The following NXPE1 variants were observed in gnomAD, a reference collection of about 807,000 sequenced individuals.
NXPE1 encodes the protein neurexophilin and PC-esterase domain family member 1.
In NXPE1, 31 loss-of-function variants were observed where a neutral mutation model predicts 33.3. That is an observed-to-expected ratio of 0.93 (90% CI 0.70 to 1.26). The LOEUF is 1.26. NXPE1 is among the 50% of genes most tolerant of loss of function. NXPE1 has a pLI of 0.00. For synonymous variants in NXPE1, 229 were observed against 231.4 expected, an observed-to-expected ratio of 0.99 and a Z score of 0.09; for missense variants, 661 against 655.6, an observed-to-expected ratio of 1.01 and a Z score of -0.09.
intron 5 of NXPE1, among the ~76,000 whole-genome samples, chr11:114,545,422 G>T (rs1432376541): frequency 6.6e-6 from 1 of 151,994 alleles, no homozygotes; most frequent in Non-Finnish European, 1.5e-5. Flanking sequence ...AACAACATAG[G>T]TGAATCTTAA....
At chr11:114,547,942 A>G (rs182828476) in intron 5 of NXPE1, among the ~76,000 whole-genome samples, 151 of 152,278 alleles carry the variant, frequency 9.9e-4, no homozygotes, top group African/African-American at 2.8e-3. Context: ...TATTCTTACA[A>G]TTTTTCTGTA....
chr11:114,551,209 G>A (rs1185294785), exon 5 of NXPE1: 3 of 1,521,560 alleles, frequency 2.0e-6, no homozygotes, highest in Non-Finnish European at 2.6e-6. Context: ...CATGACGAAT[G>A]TCCTAGGAGA....
At chr11:114,530,407 C>G in exon 6 of NXPE1, 1 of 1,614,210 alleles carries the variant, frequency 6.2e-7, no homozygotes. Context: ...ATAATTTTAT[C>G]ATAGCCTTGG....
At chr11:114,518,959 C>G (rs1331302980), downstream of NXPE1, among the ~76,000 whole-genome samples, 1 of 152,156 alleles carries the variant, frequency 6.6e-6, no homozygotes, top group Non-Finnish European at 1.5e-5. Context: ...AGCATATCAA[C>G]AAACCACTTT....
At chr11:114,553,956 G>T in intron 1 of NXPE1, 5 of 985,358 alleles carry the variant, frequency 5.1e-6, no homozygotes, top group Non-Finnish European at 6.0e-6. Context: ...AGGTTTGTCA[G>T]TATACCCCTG....
At chr11:114,523,062 C>A in exon 8 of NXPE1, 1 of 1,613,468 alleles carries the variant, frequency 6.2e-7, no homozygotes, top group South Asian at 1.1e-5. Context: ...TTCATTCCAA[C>A]TTGGCATGTC....
intron 5 of NXPE1, among the ~76,000 whole-genome samples, chr11:114,543,183 C>G (rs1467666084): frequency 6.6e-6 from 1 of 151,972 alleles, no homozygotes; most frequent in Non-Finnish European, 1.5e-5. Context: ...TGGTGAAACT[C>G]TGTGTTTACT....
Position 114,540,885 on chromosome 11 carries a change from T to TTTTTTTTTTTG in NXPE1, c.100-9978_100-9977insCAAAAAAAAAA, listed in dbSNP as rs754802719. Among the ~76,000 whole-genome samples, 21 of 81,290 alleles carry TTTTTTTTTTTG rather than the reference T, an allele frequency of 2.6e-4. 4 individuals are homozygous for TTTTTTTTTTTG. The highest frequency in any genetic ancestry group is 4.0e-4 in the Admixed American group (3 of 7,458). The allele number at this position is 81,290 out of a possible 152,430, so 53.3% of individuals were successfully genotyped here. A position where few individuals can be genotyped will look rare whatever the true frequency, so the allele number is the denominator to read the frequency against. On this transcript the variant is annotated intron_variant, in intron 5 of 8. Transcript: ENST00000534921. ...TTTTTTTTTTTTTTTTTTTTTTTTT[T>TTTTTTTTTTTG]GGCTTGAACAACCTGAGAGCAGAGT... is the stretch of plus-strand genomic sequence containing the variant.
chr11:114,549,246 C>T (rs530026939), intron 5 of NXPE1, among the ~76,000 whole-genome samples: 1 of 151,998 alleles, frequency 6.6e-6, no homozygotes, highest in East Asian at 1.9e-4. Context: ...CAAATAAAAA[C>T]AAAAAGCTTC....
chr11:114,526,722 G>A (rs998933098), intron 7 of NXPE1: 2 of 152,168 alleles, frequency 1.3e-5, no homozygotes, highest in Non-Finnish European at 2.9e-5. Context: ...GGTAAAAAGA[G>A]TTAGATAAAA....
chr11:114,522,964 A>G (rs149027256), exon 8 of NXPE1: 106 of 1,613,692 alleles, frequency 6.6e-5, no homozygotes, highest in Admixed American at 1.8e-4. Context: ...TCAAACAGCC[A>G]TTTATCTTAA....
intron 5 of NXPE1, among the ~76,000 whole-genome samples, chr11:114,538,301 T>C (rs1351813256): frequency 1.3e-5 from 2 of 152,178 alleles, no homozygotes; most frequent in Non-Finnish European, 2.9e-5. Context: ...AAGACTTACA[T>C]GTTTGACCTA....
At chr11:114,552,776 A>G (rs536283059) in intron 2 of NXPE1, 76 bp downstream of exon 2, 1 of 561,402 alleles carries the variant, frequency 1.8e-6, no homozygotes, top group South Asian at 7.8e-5. Context: ...TTGCTATTGC[A>G]CTTTTATAAA....
At chr11:114,525,965 C>G (rs1475124145) in intron 7 of NXPE1, among the ~76,000 whole-genome samples, 2 of 152,136 alleles carry the variant, frequency 1.3e-5, no homozygotes, top group African/African-American at 4.8e-5. Context: ...CCAGTTATGA[C>G]CAGGGTATGG....
chr11:114,550,827 A>G (rs1294585552), intron 5 of NXPE1, among the ~76,000 whole-genome samples: 9 of 152,234 alleles, frequency 5.9e-5, no homozygotes, highest in Admixed American at 5.9e-4. Flanking sequence ...TAAGTTATTT[A>G]CTGATGAGGA....
In NXPE1 at chr11:114,557,892, A is replaced by T. The variant is rs150699837; in HGVS notation, c.-211+1906T>A. On this transcript the variant is annotated intron_variant, in intron 1 of 8. Coordinates refer to ENST00000534921, the Ensembl canonical transcript of NXPE1. ...TCTTTTGCGGGCTATACAATTCTAG[A>T]TTGACAAGTGTTATTTATTTATTTT... is the stretch of plus-strand genomic sequence containing the variant. Among the ~76,000 whole-genome samples, 381 of 151,852 alleles carry T rather than the reference A, an allele frequency of 2.5e-3. 4 individuals carry two copies. Among genetic ancestry groups the T allele is most frequent in the Middle Eastern group, 0.01 (3 of 294 alleles).
intron 5 of NXPE1, among the ~76,000 whole-genome samples, chr11:114,533,180 G>A (rs1426901081): frequency 6.6e-6 from 1 of 152,098 alleles, no homozygotes; most frequent in Non-Finnish European, 1.5e-5. Flanking sequence ...TTTTATAGAT[G>A]TTGTGACTGT....
intron 5 of NXPE1, among the ~76,000 whole-genome samples, chr11:114,531,910 C>T (rs577097008): frequency 3.3e-5 from 5 of 152,248 alleles, no homozygotes; most frequent in Middle Eastern, 3.4e-3. Context: ...TCAGAAACAC[C>T]GGCCAAGCTT....
chr11:114,536,886 T>A (rs918556627), intron 5 of NXPE1, among the ~76,000 whole-genome samples: 4 of 152,206 alleles, frequency 2.6e-5, no homozygotes, highest in Admixed American at 2.0e-4. Context: ...CATCTGAAAC[T>A]ATTCCAATCA....
Sources: gnomAD v4.1 joint callset for allele counts (sites outside exome capture counted in the v4.1 genomes callset) on GRCh38, gnomAD v4.1.1 for gene constraint, MANE v1.5 for transcripts, NCBI Gene and HGNC (gene_info 2026-07-23, HGNC 2026-07-21) for gene names.